POLR3A: variants seen among roughly 807,000 people sequenced by gnomAD.
The protein encoded by POLR3A is RNA polymerase III subunit A, also known as DNA-directed RNA polymerase III subunit RPC1.
Under a neutral mutation model 152.8 loss-of-function variants are expected in POLR3A, and 112 were observed. That is an observed-to-expected ratio of 0.73 (90% CI 0.63 to 0.86). The LOEUF (loss-of-function observed/expected upper bound fraction) is 0.86, where lower values mean the gene tolerates loss of function less well. POLR3A is among the 40% of genes least tolerant of loss of function. The pLI, the probability that POLR3A is intolerant of heterozygous loss-of-function variation, is 0.00. For missense variants in POLR3A, 1,385 were observed against 1,743.1 expected, an observed-to-expected ratio of 0.79 and a Z score of 3.66; for synonymous variants, 615 against 652.1, an observed-to-expected ratio of 0.94 and a Z score of 0.87.
chr10:78,019,356 G>A, intron 8 of POLR3A, 91 bp from the exon 9 acceptor site: 1 of 943,136 alleles, frequency 1.1e-6, no homozygotes, highest in Non-Finnish European at 1.7e-6. Context: ...TACTTTCCTT[G>A]TTCAGATTCT....
chr10:77,978,308 C>G (rs1847108230), intron 30 of POLR3A, among the ~76,000 whole-genome samples: 1 of 152,180 alleles, frequency 6.6e-6, no homozygotes, highest in African/African-American at 2.4e-5. Context: ...AGACTTTGTG[C>G]TACCAAGGAA....
Position 78,000,976 on chromosome 10 carries a change from C to T in POLR3A, c.2478G>A (p.Lys826=), listed in dbSNP as rs1325333981. Reference sequence around the variant, plus strand: ...TTCTACCTGATCTGCTACTGCTTACCTTTGAGTGTTTTTCAAAATGAGGCA... The same window carrying T: ...TTCTACCTGATCTGCTACTGCTTACTTTTGAGTGTTTTTCAAAATGAGGCA... ...RSLPHFEKHS[K]LPAAKGFVAN... The change falls in exon 18 of 31, where the codon AAG becomes AAA. Residue 826 remains lysine (K), a splice_region_variant and synonymous_variant. Coordinates refer to ENST00000372371, the MANE Select transcript of POLR3A (RefSeq NM_007055.4). 1 of 1,514,516 alleles carries T rather than the reference C, an allele frequency of 6.6e-7. No homozygotes were observed. Among genetic ancestry groups the T allele is most frequent in the South Asian group, 1.1e-5 (1 of 89,028 alleles). 93.8% of individuals were successfully genotyped at this position (1,514,516 alleles called of 1,614,324 possible).
At chr10:78,005,672 G>A (rs900272336) in intron 15 of POLR3A, among the ~76,000 whole-genome samples, 7 of 152,200 alleles carry the variant, frequency 4.6e-5, no homozygotes, top group African/African-American at 1.4e-4. Context: ...TGATGAATGT[G>A]CTGGAAACAA....
At position 78,013,594 on chromosome 10, in the gene POLR3A, T is replaced by C. The variant is rs138340934; in HGVS notation, c.1572+56A>G. On this transcript the variant is annotated intron_variant, in intron 11 of 30. Transcript: ENST00000372371. ...TGGTGGTGTTTTCATGTAAGTTTCC[T>C]TTGCCTCCTTTCAAGGAGCTGTTAT... 4.4e-6 allele frequency: 7 copies of C among 1,591,742 alleles called. No homozygotes were observed. In the African/African-American group the frequency reaches 8.0e-5, roughly 18 times the overall value.
chr10:77,994,147 A>C (rs1031841189), intron 19 of POLR3A, among the ~76,000 whole-genome samples: 10 of 152,214 alleles, frequency 6.6e-5, no homozygotes, highest in African/African-American at 2.4e-4. Context: ...CAAAAGCAGC[A>C]TGCTCCCACA....
intron 15 of POLR3A, 51 bp downstream of exon 15, chr10:78,007,651 A>C (rs752413929): frequency 6.7e-7 from 1 of 1,500,422 alleles, no homozygotes; most frequent in South Asian, 1.1e-5. Flanking sequence ...TAAACCCTTA[A>C]GACTCTAACA....
intron 5 of POLR3A, among the ~76,000 whole-genome samples, chr10:78,023,382 C>T (rs1414243770): frequency 6.6e-6 from 1 of 151,964 alleles, no homozygotes; most frequent in East Asian, 1.9e-4. Context: ...ATCACTTGAA[C>T]GTGGGAGGTG....
chr10:78,002,288 C>G lies in POLR3A; in HGVS notation c.2268G>C (p.Leu756=), dbSNP rs764440188. Residue 756 remains leucine (L), a synonymous_variant, in exon 17 of 31, where the codon CTG becomes CTC. Coordinates refer to ENST00000372371, the MANE Select transcript of POLR3A (RefSeq NM_007055.4). ...TGCCAGCGTGGTCACGGATCACAGACAGCTCCTTCAGGATCAGTGCCTAGT... is the reference window on the plus strand; with the variant it reads ...TGCCAGCGTGGTCACGGATCACAGAGAGCTCCTTCAGGATCAGTGCCTAGT... The part of the protein sequence containing the change: ...ETLEALILKE[L]SVIRDHAGSA... The G allele has an allele frequency of 6.2e-7, 1 of 1,601,764 alleles. No individual in the cohort carries two copies. Among genetic ancestry groups the G allele is most frequent in the Non-Finnish European group, 8.5e-7 (1 of 1,174,626 alleles).
chr10:78,010,901 T>C (rs1334005391), intron 11 of POLR3A, among the ~76,000 whole-genome samples: 1 of 152,196 alleles, frequency 6.6e-6, no homozygotes, highest in Non-Finnish European at 1.5e-5. Flanking sequence ...TAGAGTGCAG[T>C]GGTGCAAATA....
rs941437020 is a variant in POLR3A, at chr10:77,976,611, A to G, written c.*867T>C. On this transcript the variant is annotated 3_prime_UTR_variant, in exon 31 of 31. Transcript: ENST00000372371. ...CAACTCAGAACTTAAAAAATCAACT[A>G]GAGATCATCCAAGGAACGTAAGTAT... 2.6e-5 allele frequency: 4 copies of G among 152,224 alleles called. No homozygotes were observed. Among genetic ancestry groups the G allele is most frequent in the African/African-American group, 7.2e-5 (3 of 41,454 alleles). The allele number at this position is 152,224 out of a possible 1,614,324, so 9.4% of individuals were successfully genotyped here. A position where few individuals can be genotyped will look rare whatever the true frequency, so the allele number is the denominator to read the frequency against.
In POLR3A at chr10:77,982,754, C is replaced by T; in HGVS notation, c.3493G>A (p.Val1165Met). Reference sequence around the variant, plus strand: ...ACCACAGCCTCACCATGAACAGCCACATCACCGGGCTTCACACGGAGCTTG... The same window carrying T: ...ACCACAGCCTCACCATGAACAGCCATATCACCGGGCTTCACACGGAGCTTG... The part of the protein sequence containing the change: ...TSKLRVKPGD[V>M]AVHGEAVVCV... The change falls in exon 27 of 31, where the codon GTG becomes ATG. Residue 1165 changes from valine (V) to methionine (M), a missense_variant. By Grantham distance (21) the Val-to-Met change is conservative. This residue lies in a region of POLR3A where 332 missense variants were observed against 400.1 expected (regional missense o/e 0.83). Transcript: ENST00000372371. 6.2e-7 allele frequency: 1 copy of T among 1,613,990 alleles called. No individual in the cohort carries two copies.
Position 78,022,700 on chromosome 10 carries a change from G to A in POLR3A, c.646-316C>T, listed in dbSNP as rs72642276. Reference sequence around the variant, plus strand: ...TTTATCCGTGTGACAGAATAGGAAGGTAATAAAAGCTGTTCTTAACAGTGA... The same window carrying A: ...TTTATCCGTGTGACAGAATAGGAAGATAATAAAAGCTGTTCTTAACAGTGA... On this transcript the variant is annotated intron_variant, in intron 5 of 30. Transcript: ENST00000372371. Among the ~76,000 whole-genome samples, 6,953 of 152,254 alleles carry A rather than the reference G, an allele frequency of 0.046. 340 individuals carry two copies. The highest frequency in any genetic ancestry group is 0.24 in the East Asian group (1,220 of 5,182).
At chr10:78,022,443 C>T (rs1405091941) in intron 5 of POLR3A, 59 bp from the exon 6 acceptor site, 7 of 1,579,210 alleles carry the variant, frequency 4.4e-6, no homozygotes, top group Non-Finnish European at 6.0e-6. Context: ...ATAGCTTGGG[C>T]AAGGTTTTCC....
intron 11 of POLR3A, among the ~76,000 whole-genome samples, chr10:78,011,494 A>T (rs2131950832): frequency 6.6e-6 from 1 of 152,346 alleles, no homozygotes; most frequent in South Asian, 2.1e-4. Context: ...TCACCCAGAA[A>T]GCAGGGTCCT....
intron 8 of POLR3A, 100 bp downstream of exon 8, chr10:78,021,446 G>A: frequency 8.4e-7 from 1 of 1,185,718 alleles, no homozygotes; most frequent in Non-Finnish European, 1.2e-6. Flanking sequence ...GGTTGAGTGG[G>A]TTACTGGGGA....
chr10:77,982,140 G>A lies in POLR3A; in HGVS notation c.3759+14C>T, dbSNP rs762615022. ...CAGCCTAACCCTAAGGCGACCCCGT[G>A]GGCTGAGTGGTACCTCATAGGTGTT... On this transcript the variant is annotated intron_variant, in intron 28 of 30. Transcript: ENST00000372371. 1.9e-6 allele frequency: 3 copies of A among 1,613,288 alleles called. No individual in the cohort carries two copies. The Admixed American group carries it at 5.0e-5, about 27-fold the overall frequency.
rs531305846 is a variant in POLR3A at position 77,988,505 on chromosome 10, C to A, written c.2902-2346G>T. Among the ~76,000 whole-genome samples, 1,446 of 151,496 alleles carry A rather than the reference C, an allele frequency of 9.5e-3. 30 individuals are homozygous for A. Among genetic ancestry groups the A allele is most frequent in the African/African-American group, 0.034 (1,395 of 41,334 alleles). ...AGACTCTGTCTCAGGAAAAAAAAAA[C>A]AAAAAAACTTTTATTAATTCGCAAG... is the stretch of plus-strand genomic sequence containing the variant. On this transcript the variant is annotated intron_variant, in intron 21 of 30. Transcript: ENST00000372371.
chr10:78,025,576 A>G (rs1281005740), intron 3 of POLR3A, 46 bp downstream of exon 3: 1 of 1,607,932 alleles, frequency 6.2e-7, no homozygotes, highest in Admixed American at 1.7e-5. Context: ...TCCCTGACCA[A>G]TCACTCCAGA....
chr10:77,984,429 T>C (rs1847178425), intron 24 of POLR3A, 131 bp from the exon 25 acceptor site: 1 of 696,302 alleles, frequency 1.4e-6, no homozygotes, highest in African/African-American at 1.7e-5. Context: ...GAGCAAGCTC[T>C]GCCTCCCAGG....
Sources: gnomAD v4.1 joint callset for allele counts (sites outside exome capture counted in the v4.1 genomes callset) on GRCh38, gnomAD v4.1.1 for gene constraint, gnomAD v4.1.1 regional missense constraint, MANE v1.5 for transcripts, NCBI Gene and HGNC (gene_info 2026-07-23, HGNC 2026-07-21) for gene names.